Variants in ARID1B observed in about 807,000 individuals in gnomAD.
ARID1B encodes AT-rich interaction domain 1B, also known as AT-rich interactive domain-containing protein 1B.
In ARID1B, 30 loss-of-function variants were observed where a neutral mutation model predicts 212.3. The observed-to-expected ratio is 0.14, with a 90% CI of 0.11 to 0.19. ARID1B has a LOEUF of 0.19. Ranked by LOEUF, ARID1B falls within the 10% of genes least tolerant of loss-of-function variation. The probability of loss-of-function intolerance (pLI) is 1.00; values close to 1 mark genes in which losing one functional copy is unlikely to be tolerated. For synonymous variants in ARID1B, 1,402 were observed against 1,301.7 expected (o/e 1.08, Z -1.66); for missense variants, 2,891 against 3,204.0 (o/e 0.90, Z 2.36).
chr6:156,926,872 G>A lies in ARID1B; in HGVS notation c.2137-8594G>A, dbSNP rs767506125. On this transcript the variant is annotated intron_variant, in intron 3 of 19. Transcript: ENST00000636930. Reference sequence around the variant, plus strand: ...ATTTTTTGTATTTTTAGTAGAGACAGGGTTTCACCATGTTGGCCAGGCTGG... The same window carrying A: ...ATTTTTTGTATTTTTAGTAGAGACAAGGTTTCACCATGTTGGCCAGGCTGG... 2.0e-5 allele frequency among the ~76,000 whole-genome samples: 3 copies of A among 152,090 alleles called. No homozygotes were observed. The East Asian group carries it at 5.8e-4, about 29-fold the overall frequency.
chr6:156,835,941 T>C (rs1220047748), intron 2 of ARID1B, among the ~76,000 whole-genome samples: 1 of 151,994 alleles, frequency 6.6e-6, no homozygotes, highest in Non-Finnish European at 1.5e-5. Context: ...CGTCTCACCA[T>C]GTTGCCCAGG....
At chr6:157,007,686 A>G (rs184963128) in intron 4 of ARID1B, among the ~76,000 whole-genome samples, 2 of 152,000 alleles carry the variant, frequency 1.3e-5, no homozygotes, top group African/African-American at 2.4e-5. Flanking sequence ...TTGAAGTTCC[A>G]TAGGAATTTT....
chr6:156,822,488 G>A (rs1457519073), intron 1 of ARID1B, among the ~76,000 whole-genome samples: 1 of 152,242 alleles, frequency 6.6e-6, no homozygotes, highest in Non-Finnish European at 1.5e-5. Context: ...TTGGGCATGA[G>A]AGAATCTCTT....
Position 157,202,649 on chromosome 6 carries a change from T to TACAC in ARID1B, c.5263+1177_5263+1180dup, listed in dbSNP as rs754115969. On this transcript the variant is annotated intron_variant, in intron 18 of 19. Transcript: ENST00000636930. ...CTTCAGCAGTGACTGTGCCACTGTA[T>TACAC]ACACACACACACACACACATATTCC... Among the ~76,000 whole-genome samples, 994 of 150,220 alleles carry TACAC rather than the reference T, an allele frequency of 6.6e-3. 5 individuals carry two copies. The highest frequency in any genetic ancestry group is 0.023 in the African/African-American group (936 of 41,064).
intron 10 of ARID1B, 28 bp from the exon 11 acceptor site, chr6:157,174,817 ATT>A (rs372586664): frequency 3.6e-3 from 4,459 of 1,246,364 alleles, no homozygotes; most frequent in South Asian, 9.2e-3. Context: ...TACCTTTGTC[ATT>A]TTTTTTTTTT....
chr6:156,986,044 A>C (rs1362910381), intron 4 of ARID1B, among the ~76,000 whole-genome samples: 1 of 143,548 alleles, frequency 7.0e-6, no homozygotes, highest in Admixed American at 6.8e-5. Context: ...TTCTGGCAAA[A>C]TTCCTTTACT....
chr6:156,813,316 G>T (rs1781746157), intron 1 of ARID1B, among the ~76,000 whole-genome samples: 1 of 148,028 alleles, frequency 6.8e-6, no homozygotes, highest in Non-Finnish European at 1.5e-5. Flanking sequence ...GCTTCACCAT[G>T]TTGCCCAGGC....
At chr6:156,795,416 CA>C (rs745339245) in intron 1 of ARID1B, among the ~76,000 whole-genome samples, 17 of 152,124 alleles carry the variant, frequency 1.1e-4, no homozygotes, top group Non-Finnish European at 2.4e-4. Flanking sequence ...AAGAAACCAA[CA>C]AAATATAATA....
At chr6:157,137,736 A>G (rs1001367524) in intron 7 of ARID1B, among the ~76,000 whole-genome samples, 4 of 152,154 alleles carry the variant, frequency 2.6e-5, no homozygotes, top group African/African-American at 9.7e-5. Flanking sequence ...GTAATAGCCT[A>G]TGGGAGTCTG....
intron 4 of ARID1B, among the ~76,000 whole-genome samples, chr6:156,998,036 C>T (rs1778697281): frequency 6.6e-6 from 1 of 152,196 alleles, no homozygotes; most frequent in African/African-American, 2.4e-5. Context: ...GGAACCTCGT[C>T]ATCGTGACTA....
Position 157,210,323 on chromosome 6 carries a change from G to A in ARID1B, c.*2432G>A, listed in dbSNP as rs1794696424. The A allele has an allele frequency of 4.3e-6, 1 of 230,528 alleles. No homozygotes were observed. Among genetic ancestry groups the A allele is most frequent in the East Asian group, 6.2e-5 (1 of 16,120 alleles). The allele number at this position is 230,528 out of a possible 1,614,324, so 14.3% of individuals were successfully genotyped here. A position where few individuals can be genotyped will look rare whatever the true frequency, so the allele number is the denominator to read the frequency against. ...ATTATTCTAATTTCTCTCTTACAGA[G>A]TACAAATAAAAGGTGTATACAAACT... On this transcript the variant is annotated 3_prime_UTR_variant, in exon 20 of 20. Coordinates refer to ENST00000636930, the MANE Select transcript of ARID1B (RefSeq NM_001374828.1).
chr6:156,831,116 T>C (rs953137175), intron 2 of ARID1B, among the ~76,000 whole-genome samples: 2 of 152,222 alleles, frequency 1.3e-5, no homozygotes, highest in Non-Finnish European at 2.9e-5. Flanking sequence ...AATTTGTAAA[T>C]GATGAAAAGT....
At chr6:156,925,337 C>A (rs1791132170) in intron 3 of ARID1B, among the ~76,000 whole-genome samples, 1 of 152,100 alleles carries the variant, frequency 6.6e-6, no homozygotes, top group African/African-American at 2.4e-5. Context: ...TTATACAAGC[C>A]TGTCCTTTTT....
At chr6:157,011,597 C>T (rs1235898069) in intron 4 of ARID1B, among the ~76,000 whole-genome samples, 2 of 152,134 alleles carry the variant, frequency 1.3e-5, no homozygotes, top group South Asian at 2.1e-4. Context: ...TTATGAACCA[C>T]GGTCCATGAA....
At chr6:156,976,400 A>C in intron 4 of ARID1B, 1 of 170,740 alleles carries the variant, frequency 5.9e-6, no homozygotes, top group Non-Finnish European at 1.2e-5. Context: ...ATGATGCAGC[A>C]CGGATTATGC....
intron 13 of ARID1B, among the ~76,000 whole-genome samples, chr6:157,188,619 C>T (rs568456379): frequency 2.0e-5 from 3 of 152,200 alleles, no homozygotes; most frequent in African/African-American, 4.8e-5. Flanking sequence ...GCCATTTGTT[C>T]GGGGGGTTCT....
intron 8 of ARID1B, among the ~76,000 whole-genome samples, chr6:157,162,574 C>T (rs1791014697): frequency 6.6e-6 from 1 of 152,224 alleles, no homozygotes; most frequent in African/African-American, 2.4e-5. Context: ...ATTATTCTCC[C>T]TGTAATAACC....
intron 17 of ARID1B, among the ~76,000 whole-genome samples, chr6:157,199,729 T>C (rs970136983): frequency 8.5e-5 from 13 of 152,092 alleles, no homozygotes; most frequent in African/African-American, 2.9e-4. Flanking sequence ...AGTGGTGCAA[T>C]CTCGGCTCAC....
intron 1 of ARID1B, among the ~76,000 whole-genome samples, chr6:156,784,823 G>A (rs1280330546): frequency 3.3e-5 from 5 of 152,118 alleles, no homozygotes; most frequent in Admixed American, 2.0e-4. Context: ...GCAGTGGCGC[G>A]ATCTTGGCTC....
Sources: gnomAD v4.1 joint callset for allele counts (sites outside exome capture counted in the v4.1 genomes callset) on GRCh38, gnomAD v4.1.1 for gene constraint, MANE v1.5 for transcripts, NCBI Gene and HGNC (gene_info 2026-07-23, HGNC 2026-07-21) for gene names.